The following ATP2B2 variants were observed in gnomAD, a reference collection of about 807,000 sequenced individuals.
The protein encoded by ATP2B2 is plasma membrane calcium-transporting ATPase 2.
Under a neutral mutation model 120.0 loss-of-function variants are expected in ATP2B2, and 15 were observed. The observed-to-expected ratio is 0.12, with a 90% confidence interval of 0.08 to 0.19. ATP2B2 has a LOEUF of 0.19. Ranked by LOEUF, ATP2B2 falls within the 10% of genes least tolerant of loss-of-function variation. The pLI is 1.00. For synonymous variants in ATP2B2, 694 were observed against 700.3 expected, an observed-to-expected ratio of 0.99 and a Z score of 0.14; for missense variants, 1,045 against 1,719.8, an observed-to-expected ratio of 0.61 and a Z score of 6.94.
intron 1 of ATP2B2, among the ~76,000 whole-genome samples, chr3:10,679,270 G>A (rs1004866876): frequency 1.1e-4 from 16 of 152,140 alleles, no homozygotes; most frequent in African/African-American, 3.9e-4. Flanking sequence ...CTAAGTTTGT[G>A]GTAAGTTGTT....
rs749056818 is a variant in ATP2B2 at position 10,512,464 on chromosome 3, G to GCGCGCGCGCGCACACA, written c.-320+21574_-320+21575insTGTGTGCGCGCGCGCG. Among the ~76,000 whole-genome samples, 65 of 137,010 alleles carry GCGCGCGCGCGCACACA rather than the reference G, an allele frequency of 4.7e-4. No homozygotes were observed. The East Asian group carries it at 7.4e-3, about 16-fold the overall frequency. The allele number at this position is 137,010 out of a possible 152,430, so 89.9% of individuals were successfully genotyped here. On this transcript the variant is annotated intron_variant, in intron 3 of 21. Coordinates refer to the ATP2B2 transcript ENST00000646379. ...TATTCCTGGGTGCTAAAGTGTGTGCGCACACACACACACACACACACACAC... is the reference window on the plus strand; with the variant it reads ...TATTCCTGGGTGCTAAAGTGTGTGCGCGCGCGCGCGCACACACACACACACACACACACACACACAC...
At chr3:10,614,562 C>T (rs1274372089) in intron 2 of ATP2B2, among the ~76,000 whole-genome samples, 2 of 152,152 alleles carry the variant, frequency 1.3e-5, no homozygotes, top group South Asian at 2.1e-4. Flanking sequence ...CATTGAATTG[C>T]AGTCTCGTGA....
intron 2 of ATP2B2, among the ~76,000 whole-genome samples, chr3:10,610,287 A>G (rs1277265301): frequency 6.6e-6 from 1 of 151,098 alleles, no homozygotes; most frequent in East Asian, 2.0e-4. Context: ...CTTTCTTCCA[A>G]CCCTAAATGG....
intron 2 of ATP2B2, among the ~76,000 whole-genome samples, chr3:10,548,779 G>A (rs2067604967): frequency 6.6e-6 from 1 of 152,222 alleles, no homozygotes; most frequent in Non-Finnish European, 1.5e-5. Context: ...AAGGGAGGAA[G>A]GCACCAATAT....
intron 1 of ATP2B2, among the ~76,000 whole-genome samples, chr3:10,677,180 A>AAT (rs1337336054): frequency 6.6e-6 from 1 of 152,250 alleles, no homozygotes; most frequent in African/African-American, 2.4e-5. Context: ...CCAGTAGGTG[A>AAT]ATGGATAAAC....
intron 1 of ATP2B2, among the ~76,000 whole-genome samples, chr3:10,640,648 G>T (rs935170012): frequency 1.1e-4 from 17 of 152,206 alleles, no homozygotes; most frequent in African/African-American, 4.1e-4. Flanking sequence ...GAGGGCCCTT[G>T]TAATAAGGAA....
At chr3:10,699,247 T>C (rs77378565) in intron 1 of ATP2B2, among the ~76,000 whole-genome samples, 1,825 of 152,320 alleles carry the variant, frequency 0.012, 38 homozygotes, top group African/African-American at 0.041. Flanking sequence ...TGGACATGTG[T>C]CCAGGGGTCC....
chr3:10,406,649 A>G (rs1025917486), intron 3 of ATP2B2, among the ~76,000 whole-genome samples: 1 of 152,240 alleles, frequency 6.6e-6, no homozygotes, highest in African/African-American at 2.4e-5. Flanking sequence ...CAATGTTGGT[A>G]TGATGATGAA....
intron 1 of ATP2B2, among the ~76,000 whole-genome samples, chr3:10,639,003 G>A (rs141070716): frequency 8.0e-4 from 122 of 152,290 alleles, no homozygotes; most frequent in Admixed American, 2.2e-3. Flanking sequence ...CACAATCATC[G>A]TTGGAGATTT....
chr3:10,437,012 T>C (rs1386845366), intron 2 of ATP2B2, among the ~76,000 whole-genome samples: 1 of 152,236 alleles, frequency 6.6e-6, no homozygotes, highest in Non-Finnish European at 1.5e-5. Context: ...TTTTCCATAA[T>C]GTCCCAAAGG....
chr3:10,368,958 A>G (rs1303331779), intron 12 of ATP2B2, among the ~76,000 whole-genome samples: 1 of 152,202 alleles, frequency 6.6e-6, no homozygotes, highest in African/African-American at 2.4e-5. Context: ...GGGGGATGAG[A>G]GAAGACTCAG....
Position 10,612,966 on chromosome 3 carries a change from G to T in ATP2B2, c.-415+6951C>A, listed in dbSNP as rs566130817. 2.0e-5 allele frequency among the ~76,000 whole-genome samples: 3 copies of T among 152,296 alleles called. No individual in the cohort carries two copies. The South Asian group carries it at 6.2e-4, about 32-fold the overall frequency. ...TTATGCTAAGAGATGAGATGAGTCA[G>T]GATGGGGGCTGGGCACCAGAAGGAA... On this transcript the variant is annotated intron_variant, in intron 2 of 21. Transcript: ENST00000646379.
At chr3:10,512,470 A>G (rs924438112) in intron 3 of ATP2B2, among the ~76,000 whole-genome samples, 4,233 of 40,754 alleles carry the variant, frequency 0.1, 109 homozygotes, top group East Asian at 0.37. Context: ...GTGCGCACAC[A>G]CACACACACA....
At chr3:10,645,725 A>C (rs1295370442) in intron 1 of ATP2B2, among the ~76,000 whole-genome samples, 1 of 152,232 alleles carries the variant, frequency 6.6e-6, no homozygotes, top group Non-Finnish European at 1.5e-5. Context: ...GATGCCTGGA[A>C]AATTCGTAAG....
chr3:10,353,527 A>T (rs2060634853), intron 14 of ATP2B2, among the ~76,000 whole-genome samples: 1 of 152,166 alleles, frequency 6.6e-6, no homozygotes, highest in South Asian at 2.1e-4. Context: ...GGCTGAGGGA[A>T]GATGTGGGGT....
chr3:10,685,497 TGAGAGAGA>T (rs146989049), intron 1 of ATP2B2, among the ~76,000 whole-genome samples: 1 of 150,216 alleles, frequency 6.7e-6, no homozygotes, highest in African/African-American at 2.4e-5. Context: ...CTCACTTGCC[TGAGAGAGA>T]GAGAGAGAGA....
intron 3 of ATP2B2, among the ~76,000 whole-genome samples, chr3:10,532,831 G>C (rs2067237842): frequency 6.6e-6 from 1 of 152,146 alleles, no homozygotes; most frequent in African/African-American, 2.4e-5. Context: ...CTCATCTTCA[G>C]GCAGGCACAA....
At chr3:10,607,000 CAGAG>C (rs57334112) in intron 2 of ATP2B2, among the ~76,000 whole-genome samples, 170 of 145,390 alleles carry the variant, frequency 1.2e-3, no homozygotes, top group Middle Eastern at 3.5e-3. Flanking sequence ...GAGAGAGAGA[CAGAG>C]AGAGAGAGAG....
rs185589397 is a variant in ATP2B2, at chr3:10,428,939, C to T, written c.200-18124G>A. 3.1e-4 allele frequency among the ~76,000 whole-genome samples: 47 copies of T among 152,326 alleles called. No homozygotes were observed. In the East Asian group the frequency reaches 8.7e-3, roughly 28 times the overall value. On this transcript the variant is annotated intron_variant, in intron 2 of 22. Coordinates refer to ENST00000360273, the MANE Select transcript of ATP2B2 (RefSeq NM_001001331.4). ...GAGTGAGGATTTAGCACCTGCTTGG[C>T]AGGGCTTTAGCAAAAATGAAACGAG... is the stretch of plus-strand genomic sequence containing the variant.
Sources: gnomAD v4.1 joint callset for allele counts (sites outside exome capture counted in the v4.1 genomes callset) on GRCh38, gnomAD v4.1.1 for gene constraint, MANE v1.5 for transcripts, NCBI Gene and HGNC (gene_info 2026-07-23, HGNC 2026-07-21) for gene names.